FBXO41: variants seen among roughly 807,000 people sequenced by gnomAD.
The protein encoded by FBXO41 is F-box protein 41, also known as F-box only protein 41.
A neutral mutation model predicts 81.6 loss-of-function variants in FBXO41; 33 were observed. That is an observed-to-expected ratio of 0.40 (90% CI 0.31 to 0.54). FBXO41 has a LOEUF of 0.54. Among genes scored for constraint, FBXO41 ranks in the 20% least tolerant of loss-of-function variants. The pLI is 0.39. For synonymous variants in FBXO41, 576 were observed against 552.7 expected, an observed-to-expected ratio of 1.04 and a Z score of -0.59; for missense variants, 1,107 against 1,236.0, an observed-to-expected ratio of 0.90 and a Z score of 1.56.
At position 73,266,038 on chromosome 2, in the gene FBXO41, G is replaced by A; in HGVS notation, c.1132-72C>T. The A allele has an allele frequency of 2.9e-6, 4 of 1,359,110 alleles. No homozygotes were observed. Among genetic ancestry groups the A allele is most frequent in the Non-Finnish European group, 4.1e-6 (4 of 975,736 alleles). 84.2% of individuals were successfully genotyped at this position (1,359,110 alleles called of 1,614,324 possible). On this transcript the variant is annotated intron_variant, in intron 3 of 12. Transcript: ENST00000520530. This position sits in a 1 kb window ranked among gnomAD's most constrained non-coding sequence, Gnocchi z 5.3. ...AAGAGGATGAGCAGGAATAGCAGGG[G>A]AAACAGGGCAAAAGATGGAGAGGAG...
intron 1 of FBXO41, among the ~76,000 whole-genome samples, chr2:73,283,087 G>C (rs1389448525): frequency 6.6e-6 from 1 of 152,202 alleles, no homozygotes; most frequent in Non-Finnish European, 1.5e-5. Context: ...CTCTAAGCTC[G>C]GTACTTTTAG....
At chr2:73,264,078 G>A (rs1192173977) in intron 6 of FBXO41, 25 bp from the exon 7 acceptor site, 14 of 1,567,426 alleles carry the variant, frequency 8.9e-6, no homozygotes, top group Non-Finnish European at 1.2e-5. Flanking sequence ...AAGGACATTT[G>A]GAGATGAAGG....
intron 1 of FBXO41, among the ~76,000 whole-genome samples, chr2:73,283,893 G>C (rs1688918107): frequency 6.6e-6 from 1 of 152,028 alleles, no homozygotes; most frequent in Non-Finnish European, 1.5e-5. Flanking sequence ...TCTGGAGCCC[G>C]CCCCCGCCCC....
chr2:73,265,256 C>G, intron 5 of FBXO41, 26 bp downstream of exon 5: 1 of 1,567,064 alleles, frequency 6.4e-7, no homozygotes, highest in Non-Finnish European at 8.6e-7. Flanking sequence ...GACCTGTGTC[C>G]CCCTGCCCAG....
At chr2:73,274,943 C>T (rs1026841760) in intron 1 of FBXO41, among the ~76,000 whole-genome samples, 1 of 150,808 alleles carries the variant, frequency 6.6e-6, no homozygotes, top group African/African-American at 2.4e-5. Context: ...TACAATGGTG[C>T]GATCTCAGCT....
In FBXO41 at chr2:73,265,646, G is replaced by T; in HGVS notation, c.1206-6C>A. The T allele has an allele frequency of 6.7e-7, 1 of 1,502,186 alleles. No individual in the cohort carries two copies. Among genetic ancestry groups the T allele is most frequent in the Non-Finnish European group, 8.9e-7 (1 of 1,125,252 alleles). 93.1% of individuals were successfully genotyped at this position (1,502,186 alleles called of 1,614,324 possible). ...CTGGCACACGGCTGGAGGCCCTGGG[G>T]CAGGGTGGACCACACAGTAAGGGGT... On this transcript the variant is annotated splice_region_variant and splice_polypyrimidine_tract_variant and intron_variant, in intron 4 of 12. Transcript: ENST00000520530.
Position 73,260,893 on chromosome 2 carries a change from C to A in FBXO41, c.2172-35G>T. Reference sequence around the variant, plus strand: ...GGGAAGGGGGAGCCGTCAGGGAAGTCTCTGGATGCTTGATAACCCAGCATG... The same window carrying A: ...GGGAAGGGGGAGCCGTCAGGGAAGTATCTGGATGCTTGATAACCCAGCATG... On this transcript the variant is annotated intron_variant, in intron 9 of 12. Transcript: ENST00000520530. The surrounding 1 kb of genome is among the most constrained non-coding windows in gnomAD (Gnocchi z 5.0). The A allele has an allele frequency of 6.6e-7, 1 of 1,519,170 alleles. No homozygotes were observed. The highest frequency in any genetic ancestry group is 8.9e-7 in the Non-Finnish European group (1 of 1,121,634). 94.1% of individuals were successfully genotyped at this position (1,519,170 alleles called of 1,614,324 possible).
In FBXO41 at chr2:73,263,948, G is replaced by A. The variant is rs574777684; in HGVS notation, c.1912C>T (p.Arg638Trp). ...CATCGCAGGCCTCACCGGGTGCTCC[G>A]GGCATACTCCTCCTTGCTCTCCTTC... Reference protein sequence around the residue: ...GKKESKEEYARSTRGCLEAGL... With the variant: ...GKKESKEEYAWSTRGCLEAGL... Residue 638 changes from arginine (R) to tryptophan (W), a missense_variant, in exon 7 of 13, where the codon CGG becomes TGG. Arg to Trp is a moderately radical substitution (Grantham distance 101, BLOSUM62 -3). Around this residue, in one of 2 missense-constraint regions of FBXO41, gnomAD observed 336 missense variants for 446.7 expected, o/e 0.75. Coordinates refer to ENST00000520530, the MANE Select transcript of FBXO41 (RefSeq NM_001371389.2). 5.6e-6 allele frequency: 9 copies of A among 1,610,448 alleles called. No individual in the cohort carries two copies. Among genetic ancestry groups the A allele is most frequent in the South Asian group, 2.2e-5 (2 of 90,522 alleles).
rs1341872822 is a variant in FBXO41, at chr2:73,269,075, C to A, written c.556G>T (p.Ala186Ser). 1 of 1,513,536 alleles carries A rather than the reference C, an allele frequency of 6.6e-7. No homozygotes were observed. Among genetic ancestry groups the A allele is most frequent in the Middle Eastern group, 1.8e-4 (1 of 5,646 alleles). The allele number at this position is 1,513,536 out of a possible 1,614,324, so 93.8% of individuals were successfully genotyped here. A position where few individuals can be genotyped will look rare whatever the true frequency, so the allele number is the denominator to read the frequency against. Residue 186 changes from alanine to serine, a missense_variant, in exon 2 of 13, where the codon GCT becomes TCT. By Grantham distance (99) the Ala-to-Ser change is moderately conservative. Coordinates refer to ENST00000520530, the MANE Select transcript of FBXO41 (RefSeq NM_001371389.2). The surrounding 1 kb of genome is among the most constrained non-coding windows in gnomAD (Gnocchi z 7.0). ...GPGPCPGPAS[A>S]SPASPSPADV... ...GCGGGTGAGGGGGACGCGGGCGAAG[C>A]GGAGGCAGGCCCGGGGCAAGGGCCG...
chr2:73,263,875 G>A (rs761195005), intron 7 of FBXO41, 45 bp from the exon 8 acceptor site: 3 of 1,614,020 alleles, frequency 1.9e-6, no homozygotes, highest in Admixed American at 1.7e-5. Flanking sequence ...CTCCTCCTCT[G>A]GGAAACTTAA....
In FBXO41 at chr2:73,260,878, AGCC is replaced by A; in HGVS notation, c.2172-23_2172-21del. On this transcript the variant is annotated intron_variant, in intron 9 of 12. Coordinates refer to ENST00000520530, the MANE Select transcript of FBXO41 (RefSeq NM_001371389.2). This position sits in a 1 kb window ranked among gnomAD's most constrained non-coding sequence, Gnocchi z 5.0. ...TGCTGGCTGGAGAATGGGAAGGGGG[AGCC>A]GTCAGGGAAGTCTCTGGATGCTTGA... 4.5e-6 allele frequency: 7 copies of A among 1,543,688 alleles called. No homozygotes were observed. Among genetic ancestry groups the A allele is most frequent in the South Asian group, 1.2e-5 (1 of 83,576 alleles).
At position 73,266,091 on chromosome 2, in the gene FBXO41, T is replaced by G; in HGVS notation, c.1132-125A>C. ...GGGGGAGAGGAGAGAGAAGGGAAAA[T>G]AGTTGGGAAAGATGGACAAATGGAC... On this transcript the variant is annotated intron_variant, in intron 3 of 12. Transcript: ENST00000520530. This position sits in a 1 kb window ranked among gnomAD's most constrained non-coding sequence, Gnocchi z 5.3. 2 of 858,038 alleles carry G rather than the reference T, an allele frequency of 2.3e-6. No individual in the cohort carries two copies. Among genetic ancestry groups the G allele is most frequent in the Non-Finnish European group, 3.7e-6 (2 of 541,728 alleles). 53.2% of individuals were successfully genotyped at this position (858,038 alleles called of 1,614,324 possible). A position where few individuals can be genotyped will look rare whatever the true frequency, so the allele number is the denominator to read the frequency against.
intron 1 of FBXO41, chr2:73,273,071 A>G (rs1270631627): frequency 6.6e-6 from 1 of 152,170 alleles, no homozygotes; most frequent in East Asian, 1.9e-4. Context: ...CCCCTCTTCA[A>G]CTAGGAGGGT....
chr2:73,281,478 G>A (rs1574394672), intron 1 of FBXO41, among the ~76,000 whole-genome samples: 1 of 152,310 alleles, frequency 6.6e-6, no homozygotes, highest in African/African-American at 2.4e-5. Context: ...TTGGCCATGT[G>A]ACTTGCTTTG....
In FBXO41 at chr2:73,265,291, G is replaced by A. The variant is rs774864912; in HGVS notation, c.1555C>T (p.Arg519Trp). Residue 519 changes from arginine (R) to tryptophan (W), a missense_variant, in exon 5 of 13, where the codon CGG becomes TGG. Transcript: ENST00000520530. Reference protein sequence around the residue: ...PAMAGPLSSCRLSARPEGGSG... With the variant: ...PAMAGPLSSCWLSARPEGGSG... The stretch of plus-strand genomic sequence containing the variant: ...GCCTTCCGGGACCTACCTGAGAGCC[G>A]GCAGCTGCTCAATGGCCCAGCCATA... 3.4e-5 allele frequency: 55 copies of A among 1,603,626 alleles called. No homozygotes were observed. Among genetic ancestry groups the A allele is most frequent in the Middle Eastern group, 1.7e-4 (1 of 6,008 alleles).
chr2:73,276,597 AGAGAGAGGGAGAGAGGGAGAGAGG>A (rs879481980), intron 1 of FBXO41, among the ~76,000 whole-genome samples: 5,639 of 105,644 alleles, frequency 0.053, 227 homozygotes, highest in African/African-American at 0.11. Flanking sequence ...AGAGAGAGAG[AGAGAGAGGGAGAGAGGGAGAGAGG>A]GAGAGAATGC....
chr2:73,263,996 A>G lies in FBXO41; in HGVS notation c.1864T>C (p.Leu622=). The part of the protein sequence containing the change: ...TQAHSLTLQN[L]KPRQRGKKES... The stretch of plus-strand genomic sequence containing the variant: ...TTCTTTCCCCGCTGCCGGGGCTTCA[A>G]GTTCTGCAGCGTCAGAGAGTGGGCC... The change falls in exon 7 of 13, where the codon TTG becomes CTG. Residue 622 remains leucine, a synonymous_variant. Coordinates refer to ENST00000520530, the MANE Select transcript of FBXO41 (RefSeq NM_001371389.2). 6.2e-7 allele frequency: 1 copy of G among 1,605,822 alleles called. No homozygotes were observed. Among genetic ancestry groups the G allele is most frequent in the South Asian group, 1.1e-5 (1 of 89,724 alleles).
At chr2:73,270,332 G>A (rs1688454494) in intron 1 of FBXO41, among the ~76,000 whole-genome samples, 3 of 152,160 alleles carry the variant, frequency 2.0e-5, no homozygotes, top group Admixed American at 2.0e-4. Context: ...GCTTTGAGTG[G>A]TGGTTATACA....
At chr2:73,264,990 C>T (rs1688182198) in intron 5 of FBXO41, among the ~76,000 whole-genome samples, 1 of 152,158 alleles carries the variant, frequency 6.6e-6, no homozygotes, top group South Asian at 2.1e-4. Flanking sequence ...CCCCACTGCA[C>T]CAGGGGCTTC....
Sources: gnomAD v4.1 joint callset for allele counts (sites outside exome capture counted in the v4.1 genomes callset) on GRCh38, gnomAD v4.1.1 for gene constraint, gnomAD v4.1.1 regional missense constraint, Gnocchi (gnomAD v3.1) non-coding constraint, MANE v1.5 for transcripts, NCBI Gene and HGNC (gene_info 2026-07-23, HGNC 2026-07-21) for gene names.